The following LINGO1 variants were observed in gnomAD, a reference collection of about 807,000 sequenced individuals.
LINGO1 encodes the protein leucine-rich repeat and immunoglobulin-like domain-containing nogo receptor-interacting protein 1.
LINGO1 carries 11 observed loss-of-function variants against 37.3 expected under a neutral mutation model. The observed-to-expected ratio is 0.29, with a 90% CI of 0.19 to 0.49. The LOEUF (loss-of-function observed/expected upper bound fraction) is 0.49, where lower values mean the gene tolerates loss of function less well. Ranked by LOEUF, LINGO1 falls within the 20% of genes least tolerant of loss-of-function variation. The pLI, the probability that LINGO1 is intolerant of heterozygous loss-of-function variation, is 0.99. For missense variants in LINGO1, 585 were observed against 878.2 expected (o/e 0.67, Z 4.22); for synonymous variants, 387 against 403.0 (o/e 0.96, Z 0.48).
chr15:77,812,279 C>T (rs973711678), intron 1 of LINGO1, among the ~76,000 whole-genome samples: 11 of 152,348 alleles, frequency 7.2e-5, no homozygotes, highest in African/African-American at 2.4e-4. Flanking sequence ...ATTCCATCCT[C>T]ATGCGGCCAC....
At chr15:77,657,745 A>AG (rs1294257803) in intron 3 of LINGO1, among the ~76,000 whole-genome samples, 2 of 152,058 alleles carry the variant, frequency 1.3e-5, no homozygotes, top group Non-Finnish European at 2.9e-5. Flanking sequence ...GGATGGATTT[A>AG]GGGGGGCAGG....
chr15:77,778,264 A>C (rs1350693838), intron 1 of LINGO1, among the ~76,000 whole-genome samples: 1 of 152,094 alleles, frequency 6.6e-6, no homozygotes, highest in African/African-American at 2.4e-5. Flanking sequence ...TTATATGGAC[A>C]CTAGTGATTG....
chr15:77,645,300 G>A (rs935132855), intron 3 of LINGO1, among the ~76,000 whole-genome samples: 1 of 152,172 alleles, frequency 6.6e-6, no homozygotes, highest in Non-Finnish European at 1.5e-5. Flanking sequence ...AGCCCAAGAC[G>A]CTGGGACAGC....
At chr15:77,786,568 C>T (rs1281907838) in intron 1 of LINGO1, among the ~76,000 whole-genome samples, 2 of 152,164 alleles carry the variant, frequency 1.3e-5, no homozygotes, top group African/African-American at 2.4e-5. Context: ...TGCAATGGCG[C>T]CTGGAAAGTA....
chr15:77,815,543 G>A lies in LINGO1; in HGVS notation c.-458+4715C>T, dbSNP rs574913860. Among the ~76,000 whole-genome samples, 4 of 152,282 alleles carry A rather than the reference G, an allele frequency of 2.6e-5. No homozygotes were observed. The East Asian group carries it at 7.7e-4, about 29-fold the overall frequency. Reference sequence around the variant, plus strand: ...GACAAACAAATGTGTTCACTTTACAGACACAGAAACTGAGGCAGACCCATG... The same window carrying A: ...GACAAACAAATGTGTTCACTTTACAAACACAGAAACTGAGGCAGACCCATG... On this transcript the variant is annotated intron_variant, in intron 1 of 5. Transcript: ENST00000562933.
chr15:77,693,622 T>A (rs1164885430), intron 1 of LINGO1, among the ~76,000 whole-genome samples: 1 of 152,178 alleles, frequency 6.6e-6, no homozygotes, highest in Non-Finnish European at 1.5e-5. Flanking sequence ...TCTCTGGAGC[T>A]GCCAAGTGGA....
chr15:77,638,727 C>T (rs931630893), upstream of LINGO1, among the ~76,000 whole-genome samples: 2 of 152,180 alleles, frequency 1.3e-5, no homozygotes, highest in African/African-American at 4.8e-5. Context: ...CTGACTCTGT[C>T]TCTGACTCCT....
At chr15:77,771,462 G>C (rs1420745318) in intron 1 of LINGO1, among the ~76,000 whole-genome samples, 1 of 152,116 alleles carries the variant, frequency 6.6e-6, no homozygotes, top group African/African-American at 2.4e-5. Flanking sequence ...CACTATCCCA[G>C]GTCAGGGCAA....
intron 2 of LINGO1, among the ~76,000 whole-genome samples, chr15:77,721,115 C>A (rs370109361): frequency 1.3e-5 from 2 of 152,140 alleles, no homozygotes; most frequent in East Asian, 3.8e-4. Flanking sequence ...AAGCCAAGGT[C>A]GTTTCCTCCT....
chr15:77,675,159 T>C (rs186538949), intron 3 of LINGO1, among the ~76,000 whole-genome samples: 2 of 152,292 alleles, frequency 1.3e-5, no homozygotes, highest in East Asian at 1.9e-4. Flanking sequence ...GAAAGGGGCA[T>C]TTTGCATACA....
At chr15:77,697,326 C>T (rs1442180548), upstream of LINGO1, among the ~76,000 whole-genome samples, 1 of 152,196 alleles carries the variant, frequency 6.6e-6, no homozygotes, top group Non-Finnish European at 1.5e-5. Context: ...TCCTATGCCA[C>T]CCTCAACCTG....
intron 1 of LINGO1, among the ~76,000 whole-genome samples, chr15:77,745,253 C>T (rs1025428276): frequency 4.0e-5 from 6 of 151,794 alleles, no homozygotes; most frequent in Admixed American, 1.3e-4. Context: ...AGTGAAACTC[C>T]GTCTCTACTA....
At chr15:77,663,692 G>C (rs541168001) in intron 3 of LINGO1, among the ~76,000 whole-genome samples, 1 of 152,148 alleles carries the variant, frequency 6.6e-6, no homozygotes, top group African/African-American at 2.4e-5. Flanking sequence ...CTGCGTGGGG[G>C]TGCGCTTACA....
At chr15:77,624,066 G>T (rs1248067691) in intron 1 of LINGO1, among the ~76,000 whole-genome samples, 1 of 149,918 alleles carries the variant, frequency 6.7e-6, no homozygotes, top group East Asian at 2.0e-4. Context: ...TGCGGTGTGT[G>T]AGTGTGGCCT....
chr15:77,805,539 C>T (rs1348827737), intron 1 of LINGO1, among the ~76,000 whole-genome samples: 1 of 152,196 alleles, frequency 6.6e-6, no homozygotes, highest in Non-Finnish European at 1.5e-5. Context: ...GTGGCCTGCC[C>T]TCAGGGGGCT....
intron 2 of LINGO1, among the ~76,000 whole-genome samples, chr15:77,680,975 G>A (rs752166856): frequency 4.6e-5 from 7 of 152,130 alleles, no homozygotes; most frequent in Non-Finnish European, 7.3e-5. Context: ...GCACTAGCAG[G>A]CGACCCAAGG....
chr15:77,788,903 A>T (rs1363481841), upstream of LINGO1, among the ~76,000 whole-genome samples: 1 of 152,184 alleles, frequency 6.6e-6, no homozygotes, highest in Admixed American at 6.5e-5. Flanking sequence ...TTGGATCACG[A>T]CAAGTACACA....
chr15:77,795,730 T>C (rs2076867318), intron 2 of LINGO1, among the ~76,000 whole-genome samples: 1 of 152,206 alleles, frequency 6.6e-6, no homozygotes, highest in African/African-American at 2.4e-5. Context: ...ACCCACTTGC[T>C]GGGAAGAACG....
At chr15:77,733,387 C>T (rs2076172017) in intron 2 of LINGO1, among the ~76,000 whole-genome samples, 1 of 152,170 alleles carries the variant, frequency 6.6e-6, no homozygotes. Context: ...CTGTGGCTGC[C>T]TGGTCCACAC....
Sources: allele counts gnomAD v4.1 joint callset (sites outside exome capture counted in the v4.1 genomes callset), GRCh38; gene constraint gnomAD v4.1.1; transcripts MANE v1.5; gene names NCBI Gene and HGNC (gene_info 2026-07-23, HGNC 2026-07-21).